The following MED13L variants were observed in gnomAD, a reference collection of about 807,000 sequenced individuals.
MED13L encodes the protein mediator of RNA polymerase II transcription subunit 13-like.
In MED13L, 7 loss-of-function variants were observed where a neutral mutation model predicts 220.9. That is an observed-to-expected ratio of 0.03 (90% CI 0.02 to 0.06). The LOEUF is 0.06. MED13L is among the 10% of genes least tolerant of loss of function. MED13L has a pLI of 1.00. For synonymous variants in MED13L, 1,011 were observed against 1,015.2 expected (o/e 1.00, Z 0.08); for missense variants, 1,965 against 2,760.5 (o/e 0.71, Z 6.46).
intron 2 of MED13L, among the ~76,000 whole-genome samples, chr12:116,145,522 G>T (rs1877413353): frequency 1.3e-5 from 2 of 151,840 alleles, no homozygotes; most frequent in South Asian, 4.2e-4. Context: ...TTGAGACAAG[G>T]TCTCACTCTG....
intron 2 of MED13L, among the ~76,000 whole-genome samples, chr12:116,184,059 A>C (rs1880720360): frequency 6.6e-6 from 1 of 152,138 alleles, no homozygotes; most frequent in Non-Finnish European, 1.5e-5. Context: ...ATCTATCCTC[A>C]CTGTGCCACT....
At chr12:116,087,124 TCTC>T (rs966089041) in intron 4 of MED13L, among the ~76,000 whole-genome samples, 23 of 152,192 alleles carry the variant, frequency 1.5e-4, no homozygotes, top group African/African-American at 4.8e-4. Flanking sequence ...CATAAAAAAT[TCTC>T]CTTATTTTTT....
intron 1 of MED13L, among the ~76,000 whole-genome samples, chr12:116,257,082 TCTGA>T (rs1255366402): frequency 6.6e-6 from 1 of 152,242 alleles, no homozygotes; most frequent in Non-Finnish European, 1.5e-5. Context: ...TATTTTCATG[TCTGA>T]CTACTTCAGG....
chr12:116,237,207 C>G (rs1439918198), intron 2 of MED13L, among the ~76,000 whole-genome samples: 1 of 152,122 alleles, frequency 6.6e-6, no homozygotes, highest in African/African-American at 2.4e-5. Flanking sequence ...TCCACCCCAC[C>G]GCACCCAGGA....
At chr12:116,029,245 G>GA (rs34603122) in intron 4 of MED13L, among the ~76,000 whole-genome samples, 9 of 134,140 alleles carry the variant, frequency 6.7e-5, no homozygotes, top group South Asian at 4.8e-4. Context: ...AAGCTTCTCT[G>GA]AAAAAAAAAA....
At chr12:116,002,890 T>G in intron 14 of MED13L, 113 bp downstream of exon 14, 1 of 894,738 alleles carries the variant, frequency 1.1e-6, no homozygotes, top group South Asian at 1.4e-5. Flanking sequence ...GTTAGAATTC[T>G]GTCAAAAGGA....
At chr12:116,119,370 G>C (rs1413940372) in intron 2 of MED13L, among the ~76,000 whole-genome samples, 1 of 152,160 alleles carries the variant, frequency 6.6e-6, no homozygotes, top group Non-Finnish European at 1.5e-5. Flanking sequence ...ACAGCATCTA[G>C]TGCTTGGTGG....
At chr12:116,111,580 T>G in intron 2 of MED13L, 68 bp from the exon 3 acceptor site, 4 of 1,241,900 alleles carry the variant, frequency 3.2e-6, no homozygotes, top group Non-Finnish European at 4.5e-6. Flanking sequence ...AAAGAAACTT[T>G]TAAAACATTT....
chr12:116,144,699 T>C (rs1353723264), intron 2 of MED13L, among the ~76,000 whole-genome samples: 1 of 152,206 alleles, frequency 6.6e-6, no homozygotes, highest in Non-Finnish European at 1.5e-5. Flanking sequence ...ATAGTGTCTC[T>C]GGCAGAGAAT....
At chr12:115,964,996 AT>A (rs1876041719) in intron 29 of MED13L, among the ~76,000 whole-genome samples, 1 of 152,238 alleles carries the variant, frequency 6.6e-6, no homozygotes, top group Non-Finnish European at 1.5e-5. Context: ...GATAATTCTA[AT>A]TCAAAATAAA....
intron 4 of MED13L, among the ~76,000 whole-genome samples, chr12:116,096,086 G>A (rs546275067): frequency 2.0e-5 from 3 of 152,072 alleles, no homozygotes; most frequent in South Asian, 2.1e-4. Flanking sequence ...GGGCGCAATG[G>A]CTCGCACCTA....
At chr12:116,164,050 A>C (rs747965781) in intron 2 of MED13L, among the ~76,000 whole-genome samples, 6 of 152,218 alleles carry the variant, frequency 3.9e-5, no homozygotes, top group Non-Finnish European at 7.3e-5. Context: ...AATTCATCAG[A>C]ATATTTCCCA....
At chr12:116,259,833 G>A (rs1872369035) in intron 1 of MED13L, among the ~76,000 whole-genome samples, 2 of 152,184 alleles carry the variant, frequency 1.3e-5, no homozygotes, top group South Asian at 4.1e-4. Flanking sequence ...CATACTGTTT[G>A]AAGCTCACAC....
Position 116,008,798 on chromosome 12 carries a change from G to C in MED13L, c.1615C>G (p.Gln539Glu). The change falls in exon 10 of 31, where the codon CAA becomes GAA. Residue 539 changes from glutamine to glutamate, a missense_variant. Transcript: ENST00000281928. ...MAVPSRNTSK[Q>E]MNLNPMDSPH... is the part of the protein sequence containing the mutation. ...GAATCCATAGGATTCAGATTCATTT[G>C]CTTGCTTGTATTTCTGGAAGGCACG... 4 of 1,614,004 alleles carry C rather than the reference G, an allele frequency of 2.5e-6. No individual in the cohort carries two copies. The highest frequency in any genetic ancestry group is 3.4e-6 in the Non-Finnish European group (4 of 1,179,984).
At chr12:116,093,405 T>C (rs1489824312) in intron 4 of MED13L, among the ~76,000 whole-genome samples, 1 of 152,084 alleles carries the variant, frequency 6.6e-6, no homozygotes, top group Non-Finnish European at 1.5e-5. Flanking sequence ...TAATATATAA[T>C]ATGCAAATAA....
In MED13L at chr12:115,975,315, TA is replaced by T; in HGVS notation, c.5589-3del. Reference sequence around the variant, plus strand: ...GCAGATACTTTACTCCTCCGTGACCTAACAAATAAAGAAATGGGGAAGGGGA... The same window carrying T: ...GCAGATACTTTACTCCTCCGTGACCTACAAATAAAGAAATGGGGAAGGGGA... On this transcript the variant is annotated splice_region_variant and splice_polypyrimidine_tract_variant and intron_variant, in intron 24 of 30. Transcript: ENST00000281928. 1 of 1,614,012 alleles carries T rather than the reference TA, an allele frequency of 6.2e-7. No individual in the cohort carries two copies. The highest frequency in any genetic ancestry group is 8.5e-7 in the Non-Finnish European group (1 of 1,179,956).
chr12:116,124,144 G>GAGAGAGAGAC (rs1565888800), intron 2 of MED13L, among the ~76,000 whole-genome samples: 1 of 149,746 alleles, frequency 6.7e-6, no homozygotes, highest in Non-Finnish European at 1.5e-5. Context: ...GAGAGAGAGA[G>GAGAGAGAGAC]AGAGAGACAG....
At chr12:115,971,826 A>G (rs939909121) in intron 26 of MED13L, among the ~76,000 whole-genome samples, 3 of 152,212 alleles carry the variant, frequency 2.0e-5, no homozygotes, top group African/African-American at 7.2e-5. Context: ...AACAGTCATT[A>G]GCCATGACTC....
intron 25 of MED13L, 132 bp from the exon 26 acceptor site, chr12:115,972,368 ATGTTCCCCTCCTTGC>A: frequency 1.0e-6 from 1 of 998,992 alleles, no homozygotes; most frequent in Non-Finnish European, 1.5e-6. Context: ...GGCTTTACAT[ATGTTCCCCTCCTTGC>A]TATAGAGAAT....
Sources: gnomAD v4.1 joint callset for allele counts (sites outside exome capture counted in the v4.1 genomes callset) on GRCh38, gnomAD v4.1.1 for gene constraint, MANE v1.5 for transcripts, NCBI Gene and HGNC (gene_info 2026-07-23, HGNC 2026-07-21) for gene names.